The following GALNT13 variants were observed in gnomAD, a reference collection of about 807,000 sequenced individuals.
GALNT13 encodes the protein polypeptide N-acetylgalactosaminyltransferase 13, also known as UDP-GalNAc:polypeptide N-acetylgalactosaminyltransferase 13.
Under a neutral mutation model 64.2 loss-of-function variants are expected in GALNT13, and 28 were observed. That is an observed-to-expected ratio of 0.44 (90% CI 0.32 to 0.60). The LOEUF is 0.60. GALNT13 is among the 20% of genes least tolerant of loss of function. The pLI is 0.05. For missense variants in GALNT13, 577 were observed against 669.8 expected (o/e 0.86, Z 1.53); for synonymous variants, 214 against 224.6 (o/e 0.95, Z 0.42).
chr2:153,825,611 T>C, the GALNT13 span, among the ~76,000 whole-genome samples: 1 of 66,840 alleles, frequency 1.5e-5, no homozygotes, highest in Non-Finnish European at 3.4e-5. Context: ...ATGAGTGCTG[T>C]GTGTGTGTGT....
chr2:154,261,656 T>C (rs1690702776), intron 8 of GALNT13, among the ~76,000 whole-genome samples: 2 of 152,168 alleles, frequency 1.3e-5, no homozygotes, highest in Non-Finnish European at 2.9e-5. Flanking sequence ...GTGCTGACTT[T>C]ACAAAGATGA....
chr2:154,302,687 C>G (rs6739255), intron 9 of GALNT13, among the ~76,000 whole-genome samples: 49,502 of 151,984 alleles, frequency 0.33, 8,498 homozygotes, highest in Admixed American at 0.39. Context: ...AGACATAAGA[C>G]ACATCAGTGA....
chr2:153,913,025 T>C (rs1574099734), intron 2 of GALNT13, among the ~76,000 whole-genome samples: 1 of 152,124 alleles, frequency 6.6e-6, no homozygotes, highest in East Asian at 1.9e-4. Flanking sequence ...ACAGGGGTCC[T>C]CCACTGGCAA....
the GALNT13 span, among the ~76,000 whole-genome samples, chr2:153,720,926 G>A: frequency 2.0e-5 from 3 of 152,068 alleles, no homozygotes; most frequent in Non-Finnish European, 4.4e-5. Context: ...ATCTAGCAAG[G>A]CAGGCCGACG....
the GALNT13 span, among the ~76,000 whole-genome samples, chr2:153,817,552 C>T: frequency 6.6e-6 from 1 of 152,048 alleles, no homozygotes; most frequent in Admixed American, 6.6e-5. Flanking sequence ...AGTAATTTTC[C>T]GTCCACTGAC....
the GALNT13 span, among the ~76,000 whole-genome samples, chr2:153,311,198 A>T: frequency 1.2e-3 from 189 of 152,340 alleles, 1 homozygote; most frequent in Non-Finnish European, 1.7e-3. Flanking sequence ...GTTCATATAC[A>T]GTGCAAGTTT....
intron 2 of GALNT13, among the ~76,000 whole-genome samples, chr2:153,922,961 G>C (rs546266883): frequency 6.6e-6 from 1 of 152,078 alleles, no homozygotes; most frequent in South Asian, 2.1e-4. Flanking sequence ...GTGCAGCGGT[G>C]TGATCTGGGC....
chr2:153,499,741 G>A, the GALNT13 span, among the ~76,000 whole-genome samples: 1 of 152,224 alleles, frequency 6.6e-6, no homozygotes, highest in Non-Finnish European at 1.5e-5. Context: ...TAGTGACAGG[G>A]CCCAGGCTTG....
At chr2:153,934,057 A>G (rs1190545936) in intron 2 of GALNT13, among the ~76,000 whole-genome samples, 1 of 152,122 alleles carries the variant, frequency 6.6e-6, no homozygotes, top group Non-Finnish European at 1.5e-5. Flanking sequence ...GGAGAATCTG[A>G]TGACTGCATG....
intron 3 of GALNT13, among the ~76,000 whole-genome samples, chr2:153,987,170 G>C (rs930435363): frequency 6.6e-6 from 1 of 151,938 alleles, no homozygotes. Flanking sequence ...GGAAGAATCA[G>C]GATGAGAGCC....
At chr2:154,411,704 G>C (rs1376537328) in intron 11 of GALNT13, among the ~76,000 whole-genome samples, 1 of 151,670 alleles carries the variant, frequency 6.6e-6, no homozygotes, top group Non-Finnish European at 1.5e-5. Flanking sequence ...GACTGAGTTG[G>C]AAAAGAAATT....
At chr2:153,426,702 G>A in the GALNT13 span, among the ~76,000 whole-genome samples, 13 of 151,776 alleles carry the variant, frequency 8.6e-5, no homozygotes, top group African/African-American at 2.9e-4. Flanking sequence ...TGTTTTGTTG[G>A]CATGCACAAC....
At chr2:154,293,944 T>C (rs570687550) in intron 8 of GALNT13, among the ~76,000 whole-genome samples, 1 of 152,360 alleles carries the variant, frequency 6.6e-6, no homozygotes, top group East Asian at 1.9e-4. Flanking sequence ...AGTATTACTA[T>C]GAGTAGATAT....
At chr2:153,078,054 G>A in the GALNT13 span, among the ~76,000 whole-genome samples, 1 of 151,774 alleles carries the variant, frequency 6.6e-6, no homozygotes, top group African/African-American at 2.4e-5. Flanking sequence ...TGTAGGCCTT[G>A]GTCTGGTTTC....
At chr2:154,035,916 C>G (rs1698634349) in intron 3 of GALNT13, among the ~76,000 whole-genome samples, 1 of 151,842 alleles carries the variant, frequency 6.6e-6, no homozygotes. Context: ...ATTTCCATGT[C>G]TAATATTGTA....
At chr2:154,274,925 T>G (rs1462003264) in intron 8 of GALNT13, among the ~76,000 whole-genome samples, 2 of 152,108 alleles carry the variant, frequency 1.3e-5, no homozygotes, top group Admixed American at 1.3e-4. Flanking sequence ...CTGATAGTGA[T>G]ACGGACAACA....
rs559927250 is a variant in GALNT13, at chr2:154,010,473, C to G, written c.142+65834C>G. Among the ~76,000 whole-genome samples, 4 of 152,180 alleles carry G rather than the reference C, an allele frequency of 2.6e-5. No individual in the cohort carries two copies. The East Asian group carries it at 7.7e-4, about 29-fold the overall frequency. On this transcript the variant is annotated intron_variant, in intron 3 of 12. Coordinates refer to ENST00000392825, the MANE Select transcript of GALNT13 (RefSeq NM_052917.4). The stretch of plus-strand genomic sequence containing the variant: ...CAGGGTGGATTAGCTTTTTGATGTG[C>G]TGTTATTTGGTTTGCTAGTATTTTA...
chr2:154,219,047 C>T (rs977440195), intron 4 of GALNT13, among the ~76,000 whole-genome samples: 1 of 151,978 alleles, frequency 6.6e-6, no homozygotes, highest in Non-Finnish European at 1.5e-5. Flanking sequence ...AATCTCAACT[C>T]CTCTGTATCT....
chr2:153,642,473 G>T, the GALNT13 span, among the ~76,000 whole-genome samples: 1 of 151,724 alleles, frequency 6.6e-6, no homozygotes, highest in Non-Finnish European at 1.5e-5. Context: ...CAAAATAAAT[G>T]TCAACAGTCA....
Sources: allele counts gnomAD v4.1 joint callset (sites outside exome capture counted in the v4.1 genomes callset), GRCh38; gene constraint gnomAD v4.1.1; transcripts MANE v1.5; gene names NCBI Gene and HGNC (gene_info 2026-07-23, HGNC 2026-07-21).